Variants in RORA observed in about 807,000 individuals in gnomAD.
RORA encodes nuclear receptor ROR-alpha.
RORA carries 7 observed loss-of-function variants against 69.5 expected under a neutral mutation model. The ratio of observed to expected loss-of-function variants is 0.10; its 90% CI spans 0.06 to 0.19. The LOEUF is 0.19. Among genes scored for constraint, RORA ranks in the 10% least tolerant of loss-of-function variants. The pLI, the probability that RORA is intolerant of heterozygous loss-of-function variation, is 1.00. For synonymous variants in RORA, 261 were observed against 240.8 expected, an observed-to-expected ratio of 1.08 and a Z score of -0.78; for missense variants, 457 against 663.0, an observed-to-expected ratio of 0.69 and a Z score of 3.41.
chr15:61,077,370 G>A (rs1400710445), intron 1 of RORA, among the ~76,000 whole-genome samples: 2 of 152,274 alleles, frequency 1.3e-5, no homozygotes, highest in South Asian at 4.2e-4. Context: ...AAGAATTGTG[G>A]ATTCAGTCAT....
intron 1 of RORA, among the ~76,000 whole-genome samples, chr15:61,065,334 A>G (rs2078242151): frequency 6.6e-6 from 1 of 152,144 alleles, no homozygotes; most frequent in Non-Finnish European, 1.5e-5. Context: ...TCACCTAGTT[A>G]ATTCTTACTA....
intron 2 of RORA, among the ~76,000 whole-genome samples, chr15:60,539,998 T>C (rs11638541): frequency 0.033 from 5,061 of 152,302 alleles, 140 homozygotes; most frequent in South Asian, 0.1. Flanking sequence ...GGGTTAAATG[T>C]CATTTCATAT....
chr15:60,499,640 T>C (rs1269970304), intron 10 of RORA, among the ~76,000 whole-genome samples: 2 of 152,278 alleles, frequency 1.3e-5, no homozygotes, highest in East Asian at 1.9e-4. Flanking sequence ...TTCTAGAATG[T>C]AACTTTTTTT....
chr15:61,227,774 C>T, intron 1 of RORA, among the ~76,000 whole-genome samples: 1 of 152,198 alleles, frequency 6.6e-6, no homozygotes, highest in South Asian at 2.1e-4. Context: ...GAGAAATCCT[C>T]TCCGTCCCCA....
At chr15:61,122,850 G>A (rs534363867) in intron 1 of RORA, among the ~76,000 whole-genome samples, 17 of 152,208 alleles carry the variant, frequency 1.1e-4, no homozygotes, top group African/African-American at 1.4e-4. Flanking sequence ...CCCCAGATAA[G>A]GCTTCTTGCC....
At position 60,659,194 on chromosome 15, in the gene RORA, T is replaced by C. The variant is rs185008674; in HGVS notation, c.196+19463A>G. Reference sequence around the variant, plus strand: ...ACTGGTCTGGATTTAGAAAACTGCTTTGATCCCCGGAGGGAAGATTGTTAA... The same window carrying C: ...ACTGGTCTGGATTTAGAAAACTGCTCTGATCCCCGGAGGGAAGATTGTTAA... On this transcript the variant is annotated intron_variant, in intron 2 of 10. Coordinates refer to ENST00000335670, the MANE Select transcript of RORA (RefSeq NM_134261.3). Among the ~76,000 whole-genome samples, 9 of 152,300 alleles carry C rather than the reference T, an allele frequency of 5.9e-5. No individual in the cohort carries two copies. The East Asian group carries it at 1.7e-3, about 29-fold the overall frequency.
In RORA at chr15:61,145,758, T is replaced by A. The variant is rs191736140; in HGVS notation, c.166+83295A>T. Among the ~76,000 whole-genome samples, 7 of 152,260 alleles carry A rather than the reference T, an allele frequency of 4.6e-5. No individual in the cohort carries two copies. The East Asian group carries it at 1.4e-3, about 29-fold the overall frequency. ...TCTGCCTCAGTCTTCCTCTTTGAAT[T>A]GCCATCAGAAAAACGATCAGGGGAA... On this transcript the variant is annotated intron_variant, in intron 1 of 10. Coordinates refer to ENST00000335670, the MANE Select transcript of RORA (RefSeq NM_134261.3).
chr15:60,584,367 T>A (rs1220930234), intron 2 of RORA, among the ~76,000 whole-genome samples: 3 of 152,214 alleles, frequency 2.0e-5, no homozygotes, highest in Admixed American at 2.0e-4. Flanking sequence ...AAGTATAGGG[T>A]TTGACTTTAT....
chr15:60,917,468 A>C (rs1891910509), intron 1 of RORA, among the ~76,000 whole-genome samples: 1 of 152,140 alleles, frequency 6.6e-6, no homozygotes, highest in Non-Finnish European at 1.5e-5. Flanking sequence ...TCTTGGTCTT[A>C]TTTTTGAAAG....
chr15:61,172,975 A>T (rs2079598964), intron 1 of RORA, among the ~76,000 whole-genome samples: 1 of 152,200 alleles, frequency 6.6e-6, no homozygotes, highest in Non-Finnish European at 1.5e-5. Context: ...CTACCAAACA[A>T]AATTACCTGT....
At chr15:60,612,347 T>C (rs1420574061) in intron 2 of RORA, among the ~76,000 whole-genome samples, 1 of 152,204 alleles carries the variant, frequency 6.6e-6, no homozygotes, top group East Asian at 1.9e-4. Context: ...AGACAAGACC[T>C]GCCAACTTGA....
chr15:61,059,870 G>A (rs1440061219), intron 1 of RORA, among the ~76,000 whole-genome samples: 2 of 149,884 alleles, frequency 1.3e-5, no homozygotes, highest in African/African-American at 2.5e-5. Flanking sequence ...TGTAAAGGAT[G>A]GAAAAAATGT....
At chr15:60,954,287 G>A (rs1280210663) in intron 1 of RORA, among the ~76,000 whole-genome samples, 14 of 125,756 alleles carry the variant, frequency 1.1e-4, no homozygotes, top group East Asian at 5.0e-4. Flanking sequence ...CTCTGGGGAC[G>A]GTGGTGGGGT....
At chr15:60,612,271 C>T (rs1023824643) in intron 2 of RORA, among the ~76,000 whole-genome samples, 29 of 150,758 alleles carry the variant, frequency 1.9e-4, no homozygotes, top group Non-Finnish European at 3.7e-4. Flanking sequence ...TCCCCTGTGC[C>T]CTTGTCCAAT....
rs3985706 is a variant in RORA, at chr15:60,889,350, CGGG to C, written c.167-210667_167-210665del. Reference sequence around the variant, plus strand: ...GAGAAAGACAGGGAAGGGAGTGGGGCGGGGGGGGGGGGAAGGAAATCCCCCCTT... The same window carrying C: ...GAGAAAGACAGGGAAGGGAGTGGGGCGGGGGGGGGAAGGAAATCCCCCCTT... On this transcript the variant is annotated intron_variant, in intron 1 of 10. Coordinates refer to ENST00000335670, the MANE Select transcript of RORA (RefSeq NM_134261.3). Among the ~76,000 whole-genome samples the C allele has an allele frequency of 1.7e-3, 230 of 136,386 alleles. 2 individuals are homozygous for C. Among genetic ancestry groups the C allele is most frequent in the African/African-American group, 5.0e-3 (200 of 39,648 alleles). The allele number at this position is 136,386 out of a possible 152,430, so 89.5% of individuals were successfully genotyped here. A position where few individuals can be genotyped will look rare whatever the true frequency, so the allele number is the denominator to read the frequency against.
intron 1 of RORA, among the ~76,000 whole-genome samples, chr15:61,130,844 C>T (rs1006512373): frequency 1.1e-4 from 16 of 152,202 alleles, no homozygotes; most frequent in Admixed American, 2.0e-4. Context: ...ATGGGAATCA[C>T]ATTTAAAAAA....
At chr15:60,770,884 C>T (rs1194761002) in intron 1 of RORA, among the ~76,000 whole-genome samples, 1 of 152,188 alleles carries the variant, frequency 6.6e-6, no homozygotes, top group East Asian at 1.9e-4. Flanking sequence ...AAGAACTCCA[C>T]AGTTAAGGTT....
chr15:60,631,627 G>GA lies in RORA; in HGVS notation c.196+47029dup, dbSNP rs35636703. ...CTCTACCTTTGCCAGGTAGAATACT[G>GA]AAAAAAAAAATGTAGAGCTTTTAAC... On this transcript the variant is annotated intron_variant, in intron 2 of 10. Coordinates refer to ENST00000335670, the MANE Select transcript of RORA (RefSeq NM_134261.3). Among the ~76,000 whole-genome samples the GA allele has an allele frequency of 9.8e-3, 1,467 of 149,120 alleles. 14 individuals carry two copies. The highest frequency in any genetic ancestry group is 0.017 in the Middle Eastern group (5 of 286).
chr15:61,210,720 A>G (rs986497517), intron 1 of RORA, among the ~76,000 whole-genome samples: 1 of 152,250 alleles, frequency 6.6e-6, no homozygotes, highest in Non-Finnish European at 1.5e-5. Flanking sequence ...CAAAGAGGAA[A>G]AATTCCTGGC....
Sources: allele counts gnomAD v4.1 joint callset (sites outside exome capture counted in the v4.1 genomes callset), GRCh38; gene constraint gnomAD v4.1.1; transcripts MANE v1.5; gene names NCBI Gene and HGNC (gene_info 2026-07-23, HGNC 2026-07-21).